The following GMDS variants were observed in gnomAD, a reference collection of about 807,000 sequenced individuals.
GMDS encodes the protein GDP-mannose 4,6-dehydratase.
GMDS carries 20 observed loss-of-function variants against 49.9 expected under a neutral mutation model. The ratio of observed to expected loss-of-function variants is 0.40; its 90% CI spans 0.28 to 0.58. The LOEUF (loss-of-function observed/expected upper bound fraction) is 0.58. Among genes scored for constraint, GMDS ranks in the 20% least tolerant of loss-of-function variants. The pLI is 0.42. For synonymous variants in GMDS, 177 were observed against 178.6 expected (o/e 0.99, Z 0.07); for missense variants, 362 against 481.4 (o/e 0.75, Z 2.32).
chr6:2,163,455 T>C (rs1458455646), intron 1 of GMDS, among the ~76,000 whole-genome samples: 1 of 151,986 alleles, frequency 6.6e-6, no homozygotes, highest in Non-Finnish European at 1.5e-5. Context: ...GAGAGAGATT[T>C]ACTACAACAA....
intron 4 of GMDS, among the ~76,000 whole-genome samples, chr6:2,035,935 C>T (rs1769281236): frequency 6.6e-6 from 1 of 152,118 alleles, no homozygotes; most frequent in African/African-American, 2.4e-5. Flanking sequence ...GATCCAACCA[C>T]CTTGGCCTCC....
chr6:1,897,739 A>G (rs1023215383), intron 7 of GMDS, among the ~76,000 whole-genome samples: 3 of 152,200 alleles, frequency 2.0e-5, no homozygotes, highest in Non-Finnish European at 4.4e-5. Flanking sequence ...CTACTGTGCA[A>G]TCAAACACTA....
intron 1 of GMDS, among the ~76,000 whole-genome samples, chr6:2,161,497 G>A (rs927439996): frequency 2.0e-5 from 3 of 152,160 alleles, no homozygotes; most frequent in African/African-American, 7.2e-5. Flanking sequence ...AATTATCAGA[G>A]GATTGACAGC....
At chr6:1,637,610 C>T (rs1040499864) in intron 9 of GMDS, among the ~76,000 whole-genome samples, 1 of 152,220 alleles carries the variant, frequency 6.6e-6, no homozygotes, top group South Asian at 2.1e-4. Flanking sequence ...AGGGGAAGCA[C>T]GTTCCGCACC....
At chr6:2,052,032 G>A (rs1049307710) in intron 4 of GMDS, among the ~76,000 whole-genome samples, 3 of 149,610 alleles carry the variant, frequency 2.0e-5, no homozygotes, top group Non-Finnish European at 3.0e-5. Flanking sequence ...CAGGAGAATC[G>A]CTTGAACCTG....
chr6:1,943,537 T>C (rs933464772), intron 6 of GMDS, among the ~76,000 whole-genome samples: 1 of 152,212 alleles, frequency 6.6e-6, no homozygotes, highest in African/African-American at 2.4e-5. Flanking sequence ...ATTCCACAGT[T>C]TAAACAGGAA....
At chr6:1,808,897 GCT>G (rs575390530) in intron 7 of GMDS, among the ~76,000 whole-genome samples, 19 of 126,364 alleles carry the variant, frequency 1.5e-4, no homozygotes, top group Admixed American at 2.3e-4. Flanking sequence ...ACTAGTGCAT[GCT>G]CTCTCTGTGT....
At chr6:1,748,190 A>G (rs2113511359) in intron 7 of GMDS, among the ~76,000 whole-genome samples, 1 of 152,336 alleles carries the variant, frequency 6.6e-6, no homozygotes, top group African/African-American at 2.4e-5. Flanking sequence ...AAAATCGAAC[A>G]GCTCCTAGTC....
chr6:2,055,379 C>T (rs568824443), intron 4 of GMDS, among the ~76,000 whole-genome samples: 2 of 152,114 alleles, frequency 1.3e-5, no homozygotes, highest in South Asian at 4.1e-4. Context: ...ACAAAGAAAG[C>T]CACACATAGG....
intron 1 of GMDS, among the ~76,000 whole-genome samples, chr6:2,218,133 C>T: frequency 6.6e-6 from 1 of 152,184 alleles, no homozygotes; most frequent in East Asian, 1.9e-4. Context: ...CCCAGCACCA[C>T]CCCAAGCCTG....
intron 4 of GMDS, among the ~76,000 whole-genome samples, chr6:2,008,646 T>C (rs1767353586): frequency 6.6e-6 from 1 of 152,240 alleles, no homozygotes; most frequent in South Asian, 2.1e-4. Context: ...GGAGCTTAGC[T>C]TGCATGTACC....
chr6:2,013,656 T>C (rs1304669153), intron 4 of GMDS, among the ~76,000 whole-genome samples: 1 of 148,934 alleles, frequency 6.7e-6, no homozygotes, highest in African/African-American at 2.5e-5. Flanking sequence ...CAGAAATGAG[T>C]TCCCCTGGCA....
At chr6:2,170,887 C>T (rs1327559224) in intron 1 of GMDS, among the ~76,000 whole-genome samples, 3 of 151,404 alleles carry the variant, frequency 2.0e-5, no homozygotes, top group African/African-American at 7.3e-5. Flanking sequence ...CCCAGCTACT[C>T]GGGAGGCTGA....
chr6:1,891,517 A>C (rs1759866032), intron 7 of GMDS, among the ~76,000 whole-genome samples: 1 of 152,252 alleles, frequency 6.6e-6, no homozygotes, highest in Non-Finnish European at 1.5e-5. Flanking sequence ...AAAATTTCCA[A>C]GTTATTTAAA....
chr6:2,047,742 G>A (rs6911369), intron 4 of GMDS, among the ~76,000 whole-genome samples: 57,733 of 151,962 alleles, frequency 0.38, 11,326 homozygotes, highest in Middle Eastern at 0.47. Context: ...ACCAGCCTCA[G>A]TCTCCCAAAG....
intron 9 of GMDS, among the ~76,000 whole-genome samples, chr6:1,678,171 GT>G (rs1383751831): frequency 6.6e-6 from 1 of 152,066 alleles, no homozygotes; most frequent in Non-Finnish European, 1.5e-5. Context: ...CCCTTAGTAG[GT>G]TCTCAAGGCG....
At chr6:2,190,648 G>GT (rs893794099) in intron 1 of GMDS, among the ~76,000 whole-genome samples, 4 of 152,076 alleles carry the variant, frequency 2.6e-5, no homozygotes, top group African/African-American at 7.2e-5. Flanking sequence ...CACAGCACAT[G>GT]TTTTTTTGCA....
At chr6:1,882,481 G>A (rs1171551463) in intron 7 of GMDS, among the ~76,000 whole-genome samples, 2 of 152,110 alleles carry the variant, frequency 1.3e-5, no homozygotes, top group Non-Finnish European at 2.9e-5. Context: ...TCTTAGAATA[G>A]TATGACAAGT....
At chr6:2,070,858 T>C (rs1771949107) in intron 4 of GMDS, among the ~76,000 whole-genome samples, 1 of 152,204 alleles carries the variant, frequency 6.6e-6, no homozygotes. Flanking sequence ...AGAGTGTATA[T>C]CATAAAACCA....
Sources: allele counts gnomAD v4.1 joint callset (sites outside exome capture counted in the v4.1 genomes callset), GRCh38; gene constraint gnomAD v4.1.1; transcripts MANE v1.5; gene names NCBI Gene and HGNC (gene_info 2026-07-23, HGNC 2026-07-21).